GRIK4: variants seen among roughly 807,000 people sequenced by gnomAD.
The protein encoded by GRIK4 is glutamate ionotropic receptor kainate type subunit 4.
GRIK4 carries 40 observed loss-of-function variants against 104.9 expected under a neutral mutation model. The ratio of observed to expected loss-of-function variants is 0.38; its 90% CI spans 0.30 to 0.50. The LOEUF is 0.50. Among genes scored for constraint, GRIK4 ranks in the 20% least tolerant of loss-of-function variants. The pLI, the probability that GRIK4 is intolerant of heterozygous loss-of-function variation, is 0.93. For synonymous variants in GRIK4, 485 were observed against 524.9 expected (o/e 0.92, Z 1.04); for missense variants, 1,047 against 1,308.1 (o/e 0.80, Z 3.08).
rs1021064717 is a variant in GRIK4, at chr11:120,988,506, C to T, written c.*2246C>T. The T allele has an allele frequency of 1.3e-5, 2 of 152,118 alleles. No individual in the cohort carries two copies. Among genetic ancestry groups the T allele is most frequent in the Non-Finnish European group, 2.9e-5 (2 of 68,028 alleles). 9.4% of individuals were successfully genotyped at this position (152,118 alleles called of 1,614,324 possible). On this transcript the variant is annotated 3_prime_UTR_variant, in exon 21 of 21. Coordinates refer to ENST00000527524, the MANE Select transcript of GRIK4 (RefSeq NM_014619.5). ...AATGGATTAGTGAAATAAATGTCCCCATGCATCATTTATAGTCTGTTTCTT... is the reference window on the plus strand; with the variant it reads ...AATGGATTAGTGAAATAAATGTCCCTATGCATCATTTATAGTCTGTTTCTT...
intron 4 of GRIK4, 104 bp downstream of exon 4, chr11:120,802,961 G>C: frequency 1.0e-6 from 1 of 999,490 alleles, no homozygotes; most frequent in Non-Finnish European, 1.5e-6. Flanking sequence ...GATATCTGAT[G>C]TCGATATTTC....
intron 19 of GRIK4, among the ~76,000 whole-genome samples, chr11:120,969,988 C>T (rs1944448170): frequency 6.6e-6 from 1 of 152,196 alleles, no homozygotes; most frequent in African/African-American, 2.4e-5. Flanking sequence ...TTGCTGGCAC[C>T]TTAGACCCAG....
At chr11:120,644,941 A>G (rs1432322186) in intron 1 of GRIK4, among the ~76,000 whole-genome samples, 6 of 152,144 alleles carry the variant, frequency 3.9e-5, no homozygotes, top group African/African-American at 1.4e-4. Context: ...CTTGGTGGAG[A>G]TATGAGAGCT....
At chr11:120,638,855 A>G (rs1185080419) in intron 1 of GRIK4, among the ~76,000 whole-genome samples, 2 of 152,084 alleles carry the variant, frequency 1.3e-5, no homozygotes, top group Admixed American at 6.5e-5. Flanking sequence ...CTGTGCCCTA[A>G]TATCATTTCT....
intron 1 of GRIK4, among the ~76,000 whole-genome samples, chr11:120,624,997 C>T (rs1030062211): frequency 1.3e-5 from 2 of 152,156 alleles, no homozygotes; most frequent in South Asian, 2.1e-4. Flanking sequence ...AAAAATAAGA[C>T]TTAAGGCCGG....
intron 3 of GRIK4, among the ~76,000 whole-genome samples, chr11:120,773,683 C>T (rs532727352): frequency 3.3e-5 from 5 of 152,252 alleles, no homozygotes; most frequent in South Asian, 4.2e-4. Flanking sequence ...TTCAAGGCCA[C>T]GCCCTTGGTG....
chr11:120,807,808 T>G (rs1952746317), intron 4 of GRIK4, among the ~76,000 whole-genome samples: 1 of 152,234 alleles, frequency 6.6e-6, no homozygotes, highest in African/African-American at 2.4e-5. Context: ...AGAAATCATC[T>G]GGTCCAACCC....
chr11:120,771,929 T>C (rs368947236), intron 3 of GRIK4, among the ~76,000 whole-genome samples: 6 of 152,088 alleles, frequency 3.9e-5, no homozygotes, highest in African/African-American at 1.4e-4. Flanking sequence ...ACCACAGGGG[T>C]AGAACTACCC....
At chr11:120,898,943 G>T (rs549696348) in intron 12 of GRIK4, among the ~76,000 whole-genome samples, 3 of 152,148 alleles carry the variant, frequency 2.0e-5, no homozygotes, top group African/African-American at 7.2e-5. Context: ...GACACAGAGC[G>T]GGCAGCTGGA....
At chr11:120,565,069 C>T (rs1297732158) in intron 1 of GRIK4, among the ~76,000 whole-genome samples, 1 of 152,180 alleles carries the variant, frequency 6.6e-6, no homozygotes, top group East Asian at 1.9e-4. Flanking sequence ...GTGAGTCTGT[C>T]GCACGCACGT....
At chr11:120,807,172 G>A (rs184376956) in intron 4 of GRIK4, among the ~76,000 whole-genome samples, 3 of 152,116 alleles carry the variant, frequency 2.0e-5, no homozygotes, top group Non-Finnish European at 2.9e-5. Context: ...TTTCCCTTCC[G>A]TGTCTTACCT....
intron 12 of GRIK4, among the ~76,000 whole-genome samples, chr11:120,900,492 G>A (rs1436134567): frequency 6.6e-6 from 1 of 151,936 alleles, no homozygotes; most frequent in Admixed American, 6.6e-5. Flanking sequence ...ATCCCTGCCT[G>A]TAAGGAGCTT....
intron 6 of GRIK4, among the ~76,000 whole-genome samples, chr11:120,822,715 T>TA (rs895806803): frequency 2.6e-5 from 4 of 152,224 alleles, no homozygotes; most frequent in Non-Finnish European, 5.9e-5. Context: ...GCTTTGATGA[T>TA]ACGTGTTTTG....
At chr11:120,727,840 AGAAACAAAAAGC>A (rs1250943196) in intron 3 of GRIK4, among the ~76,000 whole-genome samples, 1 of 152,136 alleles carries the variant, frequency 6.6e-6, no homozygotes, top group African/African-American at 2.4e-5. Flanking sequence ...AATGCTTATG[AGAAACAAAAAGC>A]ACAAAGGGAG....
intron 3 of GRIK4, among the ~76,000 whole-genome samples, chr11:120,711,424 A>G (rs1486787679): frequency 6.6e-6 from 1 of 152,086 alleles, no homozygotes; most frequent in Non-Finnish European, 1.5e-5. Context: ...GTGTGCAGAG[A>G]GAAGCAAATT....
chr11:120,625,631 C>T (rs1269650218), intron 1 of GRIK4, among the ~76,000 whole-genome samples: 1 of 151,702 alleles, frequency 6.6e-6, no homozygotes, highest in Non-Finnish European at 1.5e-5. Flanking sequence ...GTGGAGGAAA[C>T]ATTTTGGTCT....
chr11:120,722,023 G>A (rs758603408), intron 3 of GRIK4, among the ~76,000 whole-genome samples: 13 of 152,264 alleles, frequency 8.5e-5, no homozygotes, highest in Non-Finnish European at 1.9e-4. Flanking sequence ...AGCTCAGAGA[G>A]GTTAAGTAAC....
intron 3 of GRIK4, among the ~76,000 whole-genome samples, chr11:120,666,978 T>A (rs988254458): frequency 6.6e-5 from 10 of 152,308 alleles, no homozygotes; most frequent in Non-Finnish European, 1.3e-4. Flanking sequence ...TTTGATTCCT[T>A]GTAAAAAAGT....
chr11:120,747,841 C>T (rs7936353), intron 3 of GRIK4, among the ~76,000 whole-genome samples: 6,759 of 152,274 alleles, frequency 0.044, 492 homozygotes, highest in African/African-American at 0.15. Context: ...TGCGTGGCTA[C>T]GCACACATGC....
Sources: allele counts gnomAD v4.1 joint callset (sites outside exome capture counted in the v4.1 genomes callset), GRCh38; gene constraint gnomAD v4.1.1; transcripts MANE v1.5; gene names NCBI Gene and HGNC (gene_info 2026-07-23, HGNC 2026-07-21).